The following STPG2 variants were observed in gnomAD, a reference collection of about 807,000 sequenced individuals.
The protein encoded by STPG2 is sperm tail PG-rich repeat containing 2.
Under a neutral mutation model 54.2 loss-of-function variants are expected in STPG2, and 56 were observed. The ratio of observed to expected loss-of-function variants is 1.03; its 90% CI spans 0.83 to 1.29. The LOEUF (loss-of-function observed/expected upper bound fraction) is 1.29, where lower values mean the gene tolerates loss of function less well. Ranked by LOEUF, STPG2 falls within the 50% of genes most tolerant of loss-of-function variation. The probability of loss-of-function intolerance (pLI) is 0.00; values close to 1 mark genes in which losing one functional copy is unlikely to be tolerated. For missense variants in STPG2, 596 were observed against 544.9 expected (o/e 1.09, Z -0.93); for synonymous variants, 200 against 181.8 (o/e 1.10, Z -0.81).
chr4:97,584,552 T>C (rs1732944454), intron 10 of STPG2, among the ~76,000 whole-genome samples: 1 of 151,622 alleles, frequency 6.6e-6, no homozygotes, highest in Non-Finnish European at 1.5e-5. Context: ...CTAAATGAAA[T>C]TGAAGCAAAA....
intron 7 of STPG2, among the ~76,000 whole-genome samples, chr4:97,965,503 G>A (rs969199910): frequency 3.3e-5 from 5 of 152,142 alleles, no homozygotes; most frequent in African/African-American, 1.2e-4. Context: ...CTCCCAGCAT[G>A]GCATTTGAAC....
chr4:97,725,837 A>T (rs2149020970), intron 9 of STPG2, among the ~76,000 whole-genome samples: 1 of 152,036 alleles, frequency 6.6e-6, no homozygotes, highest in South Asian at 2.1e-4. Flanking sequence ...TCAGCCGTAG[A>T]TATATTACTG....
At position 98,133,484 on chromosome 4, in the gene STPG2, G is replaced by A. The variant is rs1740055646; in HGVS notation, c.222+863C>T. 2.0e-5 allele frequency among the ~76,000 whole-genome samples: 3 copies of A among 151,878 alleles called. No individual in the cohort carries two copies. The South Asian group carries it at 6.2e-4, about 31-fold the overall frequency. ...AAGGAGGCCTTCTTTTAAAAACTGA[G>A]TCAAATTTTATTTTTAAATAGGCAA... On this transcript the variant is annotated intron_variant, in intron 2 of 10. Coordinates refer to ENST00000295268, the MANE Select transcript of STPG2 (RefSeq NM_174952.3).
chr4:97,919,689 A>G (rs1313607971), intron 8 of STPG2, among the ~76,000 whole-genome samples: 2 of 152,166 alleles, frequency 1.3e-5, no homozygotes, highest in African/African-American at 2.4e-5. Flanking sequence ...CACGGAGAAA[A>G]ATCTAAGGTC....
chr4:97,633,097 G>A (rs983961296), intron 10 of STPG2, among the ~76,000 whole-genome samples: 1 of 152,000 alleles, frequency 6.6e-6, no homozygotes, highest in Non-Finnish European at 1.5e-5. Context: ...ATGTACATGT[G>A]TATATATGTA....
chr4:98,116,736 G>T (rs1339707195), intron 3 of STPG2, among the ~76,000 whole-genome samples: 1 of 151,878 alleles, frequency 6.6e-6, no homozygotes, highest in Non-Finnish European at 1.5e-5. Context: ...TAGAGAGAGA[G>T]AATGAAATAT....
At chr4:97,895,394 T>A (rs536779990) in intron 8 of STPG2, among the ~76,000 whole-genome samples, 1 of 151,868 alleles carries the variant, frequency 6.6e-6, no homozygotes, top group Admixed American at 6.6e-5. Context: ...CCTATGCAAC[T>A]GAAAAAAGCA....
chr4:97,609,844 C>T (rs1330691381), intron 10 of STPG2, among the ~76,000 whole-genome samples: 7 of 151,668 alleles, frequency 4.6e-5, no homozygotes, highest in South Asian at 4.1e-4. Flanking sequence ...CAAATTCAAA[C>T]GTCTGTCCCT....
intron 10 of STPG2, chr4:97,572,733 G>A (rs1732630858): frequency 6.6e-6 from 1 of 152,068 alleles, no homozygotes; most frequent in Non-Finnish European, 1.5e-5. Context: ...AGTTGAAGGT[G>A]AATAGTACAT....
At chr4:97,441,954 T>C (rs919857342) in intron 4 of STPG2, among the ~76,000 whole-genome samples, 1 of 152,074 alleles carries the variant, frequency 6.6e-6, no homozygotes, top group Non-Finnish European at 1.5e-5. Context: ...CACTGACAAG[T>C]ATTTTGAGAA....
chr4:97,623,751 C>G (rs1303290142), intron 10 of STPG2, among the ~76,000 whole-genome samples: 4 of 152,062 alleles, frequency 2.6e-5, no homozygotes, highest in African/African-American at 9.7e-5. Flanking sequence ...GTATTAAGCC[C>G]AGCATGCATA....
chr4:97,737,357 C>T (rs891144303), intron 9 of STPG2, among the ~76,000 whole-genome samples: 15 of 152,272 alleles, frequency 9.9e-5, no homozygotes, highest in African/African-American at 1.4e-4. Flanking sequence ...CAAAGCTGGA[C>T]GGAGAATGAC....
At chr4:98,092,505 C>T (rs990870957) in intron 5 of STPG2, among the ~76,000 whole-genome samples, 3 of 151,746 alleles carry the variant, frequency 2.0e-5, no homozygotes, top group Non-Finnish European at 4.4e-5. Flanking sequence ...TAAAGACTAA[C>T]AATGATAAGG....
At chr4:97,452,756 G>GGGAAACC (rs1729409640) in intron 4 of STPG2, among the ~76,000 whole-genome samples, 2 of 152,122 alleles carry the variant, frequency 1.3e-5, no homozygotes, top group Non-Finnish European at 2.9e-5. Context: ...TCTCCTCTCT[G>GGGAAACC]CTGAGAGTTG....
intron 5 of STPG2, among the ~76,000 whole-genome samples, chr4:98,099,226 T>C (rs1738951200): frequency 6.6e-6 from 1 of 152,144 alleles, no homozygotes; most frequent in Non-Finnish European, 1.5e-5. Flanking sequence ...TGTCCATCAA[T>C]AGATGAATGG....
At chr4:97,842,975 G>A (rs1728845467) in intron 8 of STPG2, among the ~76,000 whole-genome samples, 1 of 151,762 alleles carries the variant, frequency 6.6e-6, no homozygotes, top group Non-Finnish European at 1.5e-5. Context: ...GGACAAATCT[G>A]AAACTCTGTC....
intron 8 of STPG2, 30 bp from the exon 9 acceptor site, chr4:97,840,962 A>T: frequency 6.2e-7 from 1 of 1,604,724 alleles, no homozygotes; most frequent in African/African-American, 1.3e-5. Flanking sequence ...ATGAGCATAA[A>T]TATATCTTAT....
chr4:98,087,084 T>C (rs783941), intron 5 of STPG2, among the ~76,000 whole-genome samples: 66,483 of 152,038 alleles, frequency 0.44, 15,105 homozygotes, highest in Admixed American at 0.55. Flanking sequence ...GTGATTGTTA[T>C]ACAGACACAT....
intron 8 of STPG2, among the ~76,000 whole-genome samples, chr4:97,854,683 G>C (rs1305403283): frequency 2.0e-5 from 3 of 152,022 alleles, no homozygotes; most frequent in Non-Finnish European, 2.9e-5. Context: ...CATTACATGT[G>C]AATGTATGTC....
Sources: gnomAD v4.1 joint callset for allele counts (sites outside exome capture counted in the v4.1 genomes callset) on GRCh38, gnomAD v4.1.1 for gene constraint, MANE v1.5 for transcripts, NCBI Gene and HGNC (gene_info 2026-07-23, HGNC 2026-07-21) for gene names.